Variants in CUX1 observed in about 807,000 individuals in gnomAD.
CUX1 encodes the protein cut like homeobox 1.
A neutral mutation model predicts 158.8 loss-of-function variants in CUX1; 31 were observed. That is an observed-to-expected ratio of 0.20 (90% CI 0.15 to 0.26). CUX1 has a LOEUF of 0.26. Among genes scored for constraint, CUX1 ranks in the 10% least tolerant of loss-of-function variants. The pLI, the probability that CUX1 is intolerant of heterozygous loss-of-function variation, is 1.00. For missense variants in CUX1, 1,589 were observed against 2,014.6 expected (o/e 0.79, Z 4.04); for synonymous variants, 879 against 862.1 (o/e 1.02, Z -0.34).
Position 102,254,043 on chromosome 7 carries a change from C to T in CUX1, c.*5001C>T. The stretch of plus-strand genomic sequence containing the variant: ...AAGCTGCCAGCGCAGCAGACACGAA[C>T]ATCCCTCTGCCTGGTGGGCCGGCTT... On this transcript the variant is annotated 3_prime_UTR_variant, in exon 24 of 24. Transcript: ENST00000292535. 1.0e-6 allele frequency: 1 copy of T among 985,518 alleles called. No individual in the cohort carries two copies. The highest frequency in any genetic ancestry group is 1.2e-6 in the Non-Finnish European group (1 of 829,982). 61.0% of individuals were successfully genotyped at this position (985,518 alleles called of 1,614,324 possible).
chr7:101,983,628 C>T (rs1345340578), intron 2 of CUX1, among the ~76,000 whole-genome samples: 1 of 152,178 alleles, frequency 6.6e-6, no homozygotes, highest in African/African-American at 2.4e-5. Flanking sequence ...GGTGAGGCCT[C>T]AGGAAGCTTC....
intron 12 of CUX1, among the ~76,000 whole-genome samples, chr7:102,193,096 A>G (rs1794449671): frequency 1.3e-5 from 2 of 152,172 alleles, no homozygotes; most frequent in Admixed American, 6.5e-5. Flanking sequence ...CTGGCTTCTG[A>G]GTCATCCAAG....
chr7:102,214,387 G>A (rs868930670), intron 20 of CUX1, among the ~76,000 whole-genome samples: 1 of 152,280 alleles, frequency 6.6e-6, no homozygotes, highest in East Asian at 1.9e-4. Context: ...AGCCGAGCAT[G>A]GTGGTGTGCG....
At chr7:102,229,611 CTTTTTTTTT>C (rs781991747) in intron 21 of CUX1, among the ~76,000 whole-genome samples, 6 of 70,020 alleles carry the variant, frequency 8.6e-5, no homozygotes, top group East Asian at 7.4e-4. Flanking sequence ...CGTGTCTGGC[CTTTTTTTTT>C]TTTTTTTTTT....
At chr7:102,204,690 G>T in intron 19 of CUX1, 134 bp downstream of exon 19, 1 of 1,169,440 alleles carries the variant, frequency 8.6e-7, no homozygotes, top group Non-Finnish European at 1.2e-6. Flanking sequence ...ACTCCCCACC[G>T]TGGGCTGGTG....
intron 2 of CUX1, among the ~76,000 whole-genome samples, chr7:101,946,720 C>T (rs536053025): frequency 2.0e-5 from 3 of 152,112 alleles, no homozygotes; most frequent in Admixed American, 2.0e-4. Context: ...GATGAGTTCC[C>T]CGTGGTCATC....
At chr7:102,272,672 G>A (rs111433189) in intron 14 of CUX1, among the ~76,000 whole-genome samples, 15 of 152,302 alleles carry the variant, frequency 9.8e-5, no homozygotes, top group African/African-American at 3.4e-4. Flanking sequence ...TCCCTTCCCC[G>A]ACATCTCTCA....
intron 1 of CUX1, among the ~76,000 whole-genome samples, chr7:101,849,261 G>C (rs1223763360): frequency 6.6e-6 from 1 of 151,880 alleles, no homozygotes; most frequent in Non-Finnish European, 1.5e-5. Context: ...TCATCACCCA[G>C]GTATTAAGCC....
upstream of CUX1, chr7:101,817,547 C>T (rs1400633781): frequency 4.7e-6 from 6 of 1,280,112 alleles, no homozygotes; most frequent in African/African-American, 4.7e-5. This position sits in a 1 kb window ranked among gnomAD's most constrained non-coding sequence, Gnocchi z 4.1. Context: ...TGCCACCCCC[C>T]GCCCGGAGGA....
intron 1 of CUX1, among the ~76,000 whole-genome samples, chr7:101,872,195 A>G (rs1266704546): frequency 6.6e-6 from 1 of 151,976 alleles, no homozygotes; most frequent in Non-Finnish European, 1.5e-5. Flanking sequence ...GTGCAGTGGC[A>G]TGATCTTGGC....
chr7:101,951,767 G>A (rs1388519663), intron 2 of CUX1, among the ~76,000 whole-genome samples: 5 of 152,138 alleles, frequency 3.3e-5, no homozygotes, highest in Admixed American at 6.5e-5. Flanking sequence ...TCGGCCTCCC[G>A]AAGTGCTGGG....
At chr7:102,216,752 ACACACACACTCTTC>A (rs1343562836) in intron 20 of CUX1, among the ~76,000 whole-genome samples, 1 of 141,660 alleles carries the variant, frequency 7.1e-6, no homozygotes, top group Non-Finnish European at 1.5e-5. Flanking sequence ...ACACTTCTGC[ACACACACACTCTTC>A]CACACACACT....
At chr7:102,212,061 TC>T (rs1796594561) in intron 20 of CUX1, among the ~76,000 whole-genome samples, 1 of 152,178 alleles carries the variant, frequency 6.6e-6, no homozygotes, top group Non-Finnish European at 1.5e-5. Flanking sequence ...ACCTGCTTGT[TC>T]AGTTCCCCAA....
At chr7:102,164,128 G>A (rs187825676) in intron 9 of CUX1, among the ~76,000 whole-genome samples, 3 of 152,290 alleles carry the variant, frequency 2.0e-5, no homozygotes, top group East Asian at 3.9e-4. Context: ...ACCCCGTCCC[G>A]TCCGGGGGCT....
At chr7:102,219,315 G>C (rs1398219591) in intron 20 of CUX1, among the ~76,000 whole-genome samples, 1 of 152,070 alleles carries the variant, frequency 6.6e-6, no homozygotes, top group East Asian at 1.9e-4. Context: ...GTGGGGCAGA[G>C]CTACCACCCA....
In CUX1 at chr7:102,095,851, G is replaced by A. The variant is rs568164927; in HGVS notation, c.269-1513G>A. ...TTGGGTATTCTTCCACTCTGACGGA[G>A]CCTGAGAATTCCAAAGGAAGTATGC... On this transcript the variant is annotated intron_variant, in intron 4 of 23. Transcript: ENST00000292535. Among the ~76,000 whole-genome samples, 22 of 152,314 alleles carry A rather than the reference G, an allele frequency of 1.4e-4. No homozygotes were observed. In the South Asian group the frequency reaches 3.9e-3, roughly 27 times the overall value.
intron 8 of CUX1, among the ~76,000 whole-genome samples, chr7:102,136,252 G>A (rs1253642458): frequency 4.6e-5 from 7 of 151,780 alleles, no homozygotes; most frequent in Admixed American, 4.6e-4. Context: ...CCACACTCTT[G>A]ATGACGTCTC....
chr7:102,193,727 C>T, intron 12 of CUX1, 115 bp from the exon 13 acceptor site: 1 of 1,037,682 alleles, frequency 9.6e-7, no homozygotes, highest in East Asian at 2.6e-5. Flanking sequence ...ATCGCTTGAA[C>T]CTGGGCAGAG....
intron 2 of CUX1, among the ~76,000 whole-genome samples, chr7:101,987,023 G>C (rs971213179): frequency 2.9e-4 from 44 of 152,112 alleles, no homozygotes; most frequent in African/African-American, 1.1e-3. Flanking sequence ...CTGTGCCCCA[G>C]TCTGCTCCTG....
Sources: allele counts gnomAD v4.1 joint callset (sites outside exome capture counted in the v4.1 genomes callset), GRCh38; gene constraint gnomAD v4.1.1; non-coding constraint Gnocchi (gnomAD v3.1); transcripts MANE v1.5; gene names NCBI Gene and HGNC (gene_info 2026-07-23, HGNC 2026-07-21).